Variants in OSBPL10 observed in about 807,000 individuals in gnomAD.
OSBPL10 encodes oxysterol binding protein like 10, also known as oxysterol-binding protein-related protein 10.
In OSBPL10, 49 loss-of-function variants were observed where a neutral mutation model predicts 81.7. The ratio of observed to expected loss-of-function variants is 0.60; its 90% CI spans 0.48 to 0.76. The LOEUF is 0.76. OSBPL10 is among the 30% of genes least tolerant of loss of function. OSBPL10 has a pLI of 0.00. For missense variants in OSBPL10, 923 were observed against 987.8 expected, an observed-to-expected ratio of 0.93 and a Z score of 0.88; for synonymous variants, 419 against 383.6, an observed-to-expected ratio of 1.09 and a Z score of -1.08.
chr3:31,816,016 G>T (rs1699825458), intron 4 of OSBPL10, among the ~76,000 whole-genome samples: 2 of 152,176 alleles, frequency 1.3e-5, no homozygotes, highest in Non-Finnish European at 2.9e-5. Context: ...AGGCACCTAA[G>T]ACATGAATTT....
intron 1 of OSBPL10, among the ~76,000 whole-genome samples, chr3:31,944,984 C>T (rs1371626319): frequency 6.6e-6 from 1 of 151,054 alleles, no homozygotes; most frequent in African/African-American, 2.4e-5. Context: ...AACCCCGTCT[C>T]TACTAAAAAT....
intron 1 of OSBPL10, among the ~76,000 whole-genome samples, chr3:31,949,183 C>G (rs1697790018): frequency 6.6e-6 from 1 of 152,154 alleles, no homozygotes; most frequent in Admixed American, 6.5e-5. Context: ...AATTGTCATT[C>G]CTAAAACGCA....
chr3:31,926,537 G>C (rs1697081103), intron 1 of OSBPL10, among the ~76,000 whole-genome samples: 1 of 152,092 alleles, frequency 6.6e-6, no homozygotes, highest in Admixed American at 6.6e-5. Context: ...CTGGAATATG[G>C]AGACAGGAAA....
chr3:31,817,754 A>G (rs1368910584), intron 4 of OSBPL10, among the ~76,000 whole-genome samples: 1 of 151,826 alleles, frequency 6.6e-6, no homozygotes, highest in Non-Finnish European at 1.5e-5. Context: ...GGGAGCTCCT[A>G]CTCCACCTCA....
intron 4 of OSBPL10, among the ~76,000 whole-genome samples, chr3:31,764,752 T>C (rs745531094): frequency 2.5e-4 from 38 of 152,294 alleles, no homozygotes; most frequent in Admixed American, 5.2e-4. Context: ...CTGCACATTA[T>C]ATATCTCTGG....
intron 1 of OSBPL10, among the ~76,000 whole-genome samples, chr3:31,970,802 CT>C (rs35313927): frequency 0.42 from 64,037 of 152,102 alleles, 16,057 homozygotes; most frequent in East Asian, 0.76. Flanking sequence ...AGAAAGTAGC[CT>C]TTTTTTAGCC....
At chr3:31,691,484 C>A (rs1335765824) in intron 7 of OSBPL10, among the ~76,000 whole-genome samples, 1 of 152,090 alleles carries the variant, frequency 6.6e-6, no homozygotes, top group African/African-American at 2.4e-5. Flanking sequence ...TTTTGAGAGG[C>A]TGAGGTGGGA....
intron 1 of OSBPL10, among the ~76,000 whole-genome samples, chr3:31,927,040 G>A (rs1009513998): frequency 3.3e-5 from 5 of 152,170 alleles, no homozygotes; most frequent in Non-Finnish European, 7.3e-5. Flanking sequence ...GAACCCAAGA[G>A]GTAGAGGTTG....
intron 4 of OSBPL10, among the ~76,000 whole-genome samples, chr3:31,793,657 G>T (rs920787482): frequency 6.6e-6 from 1 of 152,160 alleles, no homozygotes; most frequent in Non-Finnish European, 1.5e-5. Flanking sequence ...AAATAACATG[G>T]AATTAGGAAG....
Position 31,743,705 on chromosome 3 carries a change from G to A in OSBPL10, c.940+4205C>T, listed in dbSNP as rs1004216006. ...AGGATCAGAAGGCAAAGAGCCATCA[G>A]GCAGGAACAATCTGTATGGGTATTT... On this transcript the variant is annotated intron_variant, in intron 5 of 11. Coordinates refer to ENST00000396556, the MANE Select transcript of OSBPL10 (RefSeq NM_017784.5). Among the ~76,000 whole-genome samples the A allele has an allele frequency of 2.6e-5, 4 of 152,352 alleles. No homozygotes were observed. The East Asian group carries it at 7.7e-4, about 29-fold the overall frequency.
At chr3:31,794,088 G>A (rs1043899725) in intron 4 of OSBPL10, among the ~76,000 whole-genome samples, 4 of 152,324 alleles carry the variant, frequency 2.6e-5, no homozygotes, top group African/African-American at 9.6e-5. Flanking sequence ...CTGCACAGAA[G>A]CAGGTCTTCA....
At chr3:31,765,959 C>CTT (rs1183213596) in intron 4 of OSBPL10, among the ~76,000 whole-genome samples, 18 of 152,130 alleles carry the variant, frequency 1.2e-4, no homozygotes, top group Admixed American at 1.2e-3. Context: ...AAGAGCTACT[C>CTT]TTTCTTTCCT....
chr3:31,859,178 G>T (rs372181311), intron 3 of OSBPL10, among the ~76,000 whole-genome samples: 3,889 of 151,254 alleles, frequency 0.026, 183 homozygotes, highest in African/African-American at 0.091. Context: ...TTTTTTTGTT[G>T]TTGTTTTTAC....
chr3:31,702,452 A>T lies in OSBPL10; in HGVS notation c.1152T>A (p.Asp384Glu). 6.2e-7 allele frequency: 1 copy of T among 1,614,190 alleles called. No homozygotes were observed. The highest frequency in any genetic ancestry group is 8.5e-7 in the Non-Finnish European group (1 of 1,180,016). The change falls in exon 7 of 12, where the codon GAT becomes GAA. Residue 384 changes from aspartate (D) to glutamate (E), a missense_variant. This residue lies in a region of OSBPL10 where 514 missense variants were observed against 508.0 expected (regional missense o/e 1.01). Coordinates refer to ENST00000396556, the MANE Select transcript of OSBPL10 (RefSeq NM_017784.5). Reference sequence around the variant, plus strand: ...TGACGCCCAATTCCGTCTCTTCCTTATCTTCATTGTCACTTTTTTCATCTT... The same window carrying T: ...TGACGCCCAATTCCGTCTCTTCCTTTTCTTCATTGTCACTTTTTTCATCTT... Reference protein sequence around the residue: ...LSEDEKSDNEDKEETELGVME... With the variant: ...LSEDEKSDNEEKEETELGVME...
chr3:31,716,236 T>C lies in OSBPL10; in HGVS notation c.1096-13728A>G, dbSNP rs576119442. On this transcript the variant is annotated intron_variant, in intron 6 of 11. Coordinates refer to ENST00000396556, the MANE Select transcript of OSBPL10 (RefSeq NM_017784.5). ...TTAATTGAAATATAGTTATAACTTA[T>C]ACTTGGTACAATATACAAATCTTAT... Among the ~76,000 whole-genome samples the C allele has an allele frequency of 7.2e-5, 11 of 152,344 alleles. No individual in the cohort carries two copies. The South Asian group carries it at 2.3e-3, about 32-fold the overall frequency.
At chr3:31,972,293 G>GCAGAAGAATCGCTTGAACC (rs1245479346) in intron 1 of OSBPL10, among the ~76,000 whole-genome samples, 4 of 152,322 alleles carry the variant, frequency 2.6e-5, no homozygotes, top group Non-Finnish European at 5.9e-5. Context: ...GGAAGCTGTG[G>GCAGAAGAATCGCTTGAACC]CAGAAGAATC....
At chr3:31,928,499 G>A (rs1041639236) in intron 1 of OSBPL10, among the ~76,000 whole-genome samples, 13 of 149,854 alleles carry the variant, frequency 8.7e-5, no homozygotes, top group Non-Finnish European at 1.5e-4. Flanking sequence ...ATGGCCGGGC[G>A]CAGAGCGGCT....
Position 31,945,764 on chromosome 3 carries a change from G to A in OSBPL10, c.281+35135C>T, listed in dbSNP as rs886769340. Among the ~76,000 whole-genome samples the A allele has an allele frequency of 2.6e-5, 4 of 152,272 alleles. No homozygotes were observed. The East Asian group carries it at 7.7e-4, about 29-fold the overall frequency. On this transcript the variant is annotated intron_variant, in intron 1 of 11. Transcript: ENST00000396556. Reference sequence around the variant, plus strand: ...TTTATACTGCTTTTCTGACACCCTTGTTTCTGTGACACAGCCTGAGACCTG... The same window carrying A: ...TTTATACTGCTTTTCTGACACCCTTATTTCTGTGACACAGCCTGAGACCTG...
chr3:31,796,964 A>C (rs1283995538), intron 4 of OSBPL10, among the ~76,000 whole-genome samples: 1 of 150,540 alleles, frequency 6.6e-6, no homozygotes, highest in African/African-American at 2.4e-5. Flanking sequence ...GAACCTTACA[A>C]ATGATTTTTA....
Sources: allele counts gnomAD v4.1 joint callset (sites outside exome capture counted in the v4.1 genomes callset), GRCh38; gene constraint gnomAD v4.1.1; regional missense constraint gnomAD v4.1.1; transcripts MANE v1.5; gene names NCBI Gene and HGNC (gene_info 2026-07-23, HGNC 2026-07-21).